Variants in RBFOX2 observed in about 807,000 individuals in gnomAD.
The protein encoded by RBFOX2 is RNA binding protein fox-1 homolog 2.
In RBFOX2, 10 loss-of-function variants were observed where a neutral mutation model predicts 49.1. The observed-to-expected ratio is 0.20, with a 90% CI of 0.13 to 0.35. RBFOX2 has a LOEUF of 0.35. RBFOX2 is among the 10% of genes least tolerant of loss of function. The probability of loss-of-function intolerance (pLI) is 1.00; values close to 1 mark genes in which losing one functional copy is unlikely to be tolerated. For missense variants in RBFOX2, 323 were observed against 486.9 expected (o/e 0.66, Z 3.17); for synonymous variants, 183 against 187.4 (o/e 0.98, Z 0.19).
At chr22:35,963,805 G>A (rs5756017), upstream of RBFOX2, among the ~76,000 whole-genome samples, 34,370 of 152,018 alleles carry the variant, frequency 0.23, 6,132 homozygotes, top group African/African-American at 0.5. Context: ...GAGTGCGGTC[G>A]TGCCATCTCA....
chr22:36,009,617 G>T (rs1260050022), intron 1 of RBFOX2, among the ~76,000 whole-genome samples: 1 of 152,000 alleles, frequency 6.6e-6, no homozygotes, highest in Non-Finnish European at 1.5e-5. Flanking sequence ...TCAAATTCCT[G>T]GGCTCAAGTG....
chr22:36,007,452 T>C (rs2058661454), intron 1 of RBFOX2, among the ~76,000 whole-genome samples: 1 of 152,154 alleles, frequency 6.6e-6, no homozygotes, highest in Non-Finnish European at 1.5e-5. Context: ...CTCATTTCTA[T>C]GAAAATTAGC....
At chr22:35,881,322 T>A (rs2045869480) in intron 1 of RBFOX2, among the ~76,000 whole-genome samples, 2 of 151,846 alleles carry the variant, frequency 1.3e-5, no homozygotes, top group African/African-American at 2.4e-5. Flanking sequence ...ACGCCTATAA[T>A]CTCAGCACTT....
At chr22:35,833,748 T>C (rs150682596) in intron 1 of RBFOX2, among the ~76,000 whole-genome samples, 39 of 152,306 alleles carry the variant, frequency 2.6e-4, no homozygotes, top group African/African-American at 7.7e-4. Flanking sequence ...GGAGCCAAAC[T>C]CCTTGGGTTT....
intron 1 of RBFOX2, among the ~76,000 whole-genome samples, chr22:35,961,249 C>A (rs1350968404): frequency 6.6e-6 from 1 of 152,140 alleles, no homozygotes; most frequent in East Asian, 1.9e-4. Flanking sequence ...AAAATATGCA[C>A]ACAAATACCC....
intron 5 of RBFOX2, among the ~76,000 whole-genome samples, chr22:35,767,857 T>G (rs1450256659): frequency 6.6e-6 from 1 of 152,212 alleles, no homozygotes; most frequent in African/African-American, 2.4e-5. Context: ...GAACACAGTG[T>G]TATAAACTGG....
At chr22:35,968,949 A>C (rs1014712108) in intron 1 of RBFOX2, among the ~76,000 whole-genome samples, 3 of 152,308 alleles carry the variant, frequency 2.0e-5, no homozygotes, top group Non-Finnish European at 2.9e-5. Context: ...CTATCCCTAC[A>C]TTCTGAACAC....
intron 1 of RBFOX2, among the ~76,000 whole-genome samples, chr22:35,857,839 G>A (rs2042682384): frequency 6.6e-6 from 1 of 152,118 alleles, no homozygotes; most frequent in South Asian, 2.1e-4. Flanking sequence ...AGAAACAGAG[G>A]ATAAAAAGAT....
intron 1 of RBFOX2, among the ~76,000 whole-genome samples, chr22:35,971,186 A>C (rs965921624): frequency 2.6e-5 from 4 of 152,078 alleles, no homozygotes; most frequent in Non-Finnish European, 5.9e-5. Context: ...CCTGGCAACA[A>C]TACTACATGG....
chr22:35,786,078 A>C (rs1283435875), intron 2 of RBFOX2, among the ~76,000 whole-genome samples: 2 of 152,248 alleles, frequency 1.3e-5, no homozygotes, highest in African/African-American at 2.4e-5. Context: ...CTGATTCCAC[A>C]AACTCCAAAT....
intron 1 of RBFOX2, among the ~76,000 whole-genome samples, chr22:35,968,190 T>C (rs2056673480): frequency 6.6e-6 from 1 of 152,216 alleles, no homozygotes; most frequent in Non-Finnish European, 1.5e-5. Context: ...GGCCTCTTTT[T>C]ATGAAAGATA....
At chr22:35,952,777 T>G (rs1357512433) in intron 1 of RBFOX2, among the ~76,000 whole-genome samples, 1 of 152,172 alleles carries the variant, frequency 6.6e-6, no homozygotes, top group Non-Finnish European at 1.5e-5. Context: ...GAAAAGAGAT[T>G]GGCAGTTCTT....
chr22:35,902,813 T>TG (rs1556367063), intron 1 of RBFOX2, among the ~76,000 whole-genome samples: 1 of 128,712 alleles, frequency 7.8e-6, no homozygotes, highest in Non-Finnish European at 1.7e-5. Flanking sequence ...CCCAGCTAAT[T>TG]AAAAAAAAAA....
At chr22:35,901,449 G>T (rs1447723428) in intron 1 of RBFOX2, among the ~76,000 whole-genome samples, 1 of 151,954 alleles carries the variant, frequency 6.6e-6, no homozygotes, top group African/African-American at 2.4e-5. Flanking sequence ...AGGAGTTTGA[G>T]ACCAGCCTGG....
chr22:35,821,521 G>GGGAGGT (rs1007610276), intron 1 of RBFOX2, among the ~76,000 whole-genome samples: 19 of 149,626 alleles, frequency 1.3e-4, no homozygotes, highest in African/African-American at 4.2e-4. Flanking sequence ...GCTTGAACCT[G>GGGAGGT]GGAGGTGGAG....
chr22:35,839,081 G>C (rs1427068381), intron 1 of RBFOX2, among the ~76,000 whole-genome samples: 1 of 152,206 alleles, frequency 6.6e-6, no homozygotes, highest in Non-Finnish European at 1.5e-5. Flanking sequence ...GGAAAGCACT[G>C]TCCAGTGATG....
Position 35,798,492 on chromosome 22 carries a change from G to C in RBFOX2, c.252+11288C>G, listed in dbSNP as rs559601761. Among the ~76,000 whole-genome samples, 3 of 152,224 alleles carry C rather than the reference G, an allele frequency of 2.0e-5. No homozygotes were observed. In the East Asian group the frequency reaches 5.8e-4, roughly 29 times the overall value. On this transcript the variant is annotated intron_variant, in intron 2 of 11. Coordinates refer to ENST00000405409, the Ensembl canonical transcript of RBFOX2. ...TGACATTTATTAGTTGTGTGATCTT[G>C]GACAAGTAATCTTGAATCTCTCTAA...
chr22:35,795,804 C>T (rs1948686274), intron 2 of RBFOX2, among the ~76,000 whole-genome samples: 1 of 152,096 alleles, frequency 6.6e-6, no homozygotes, highest in Admixed American at 6.5e-5. Context: ...GGATGCTTAG[C>T]TCTTTAGAGT....
At chr22:35,742,703 T>G (rs1478653922) in exon 12 of RBFOX2, 1 of 152,480 alleles carries the variant, frequency 6.6e-6, no homozygotes, top group African/African-American at 2.4e-5. Flanking sequence ...AGAGAAACAC[T>G]CCCTCCTACC....
Sources: allele counts gnomAD v4.1 joint callset (sites outside exome capture counted in the v4.1 genomes callset), GRCh38; gene constraint gnomAD v4.1.1; transcripts MANE v1.5; gene names NCBI Gene and HGNC (gene_info 2026-07-23, HGNC 2026-07-21).